Variants in PAK5 observed in about 807,000 individuals in gnomAD.
PAK5 encodes p21 (RAC1) activated kinase 5, also known as serine/threonine-protein kinase PAK 5.
Under a neutral mutation model 65.9 loss-of-function variants are expected in PAK5, and 16 were observed. The observed-to-expected ratio is 0.24, with a 90% CI of 0.16 to 0.37. The LOEUF is 0.37. Ranked by LOEUF, PAK5 falls within the 10% of genes least tolerant of loss-of-function variation. PAK5 has a pLI of 1.00. For missense variants in PAK5, 785 were observed against 903.9 expected, an observed-to-expected ratio of 0.87 and a Z score of 1.69; for synonymous variants, 371 against 354.9, an observed-to-expected ratio of 1.05 and a Z score of -0.51.
intron 2 of PAK5, among the ~76,000 whole-genome samples, chr20:9,653,404 T>C (rs1393060095): frequency 1.3e-5 from 2 of 152,250 alleles, no homozygotes; most frequent in Non-Finnish European, 2.9e-5. Flanking sequence ...TCTGTGTCTA[T>C]GCTTCCAAAG....
rs930729940 is a variant in PAK5, at chr20:9,537,855, G to C, written c.*1607C>G. 1 of 227,520 alleles carries C rather than the reference G, an allele frequency of 4.4e-6. No individual in the cohort carries two copies. The highest frequency in any genetic ancestry group is 8.7e-6 in the Non-Finnish European group (1 of 114,480). 14.1% of individuals were successfully genotyped at this position (227,520 alleles called of 1,614,324 possible). A position where few individuals can be genotyped will look rare whatever the true frequency, so the allele number is the denominator to read the frequency against. On this transcript the variant is annotated 3_prime_UTR_variant, in exon 10 of 10. Transcript: ENST00000353224. ...AAGAAAACTGAAAATCTAATCAGTA[G>C]AAGGTCATTTTATGCCTTTTTTCCT...
At position 9,580,249 on chromosome 20, in the gene PAK5, T is replaced by C. The variant is rs774498221; in HGVS notation, c.886A>G (p.Met296Val). The change falls in exon 4 of 10, where the codon ATG (methionine) becomes GTG (valine). Residue 296 changes from methionine (M) to valine (V), a missense_variant. By Grantham distance (21) the Met-to-Val change is conservative. Transcript: ENST00000353224. ...SRSGSGLQEPMMPFGASAFKT... is the reference protein window; with the variant it reads ...SRSGSGLQEPVMPFGASAFKT... The stretch of plus-strand genomic sequence containing the variant: ...AATGCACTTGCTCCAAATGGCATCA[T>C]CGGTTCCTGGAGTCCCGAGCCTGAC... 2.5e-6 allele frequency: 4 copies of C among 1,614,098 alleles called. No individual in the cohort carries two copies. Among genetic ancestry groups the C allele is most frequent in the Non-Finnish European group, 3.4e-6 (4 of 1,180,006 alleles).
At chr20:9,794,862 T>C (rs889576623) in intron 1 of PAK5, among the ~76,000 whole-genome samples, 1 of 152,080 alleles carries the variant, frequency 6.6e-6, no homozygotes, top group Admixed American at 6.6e-5. Flanking sequence ...ATATCTTCAG[T>C]ATATGAGATC....
At chr20:9,744,727 C>T (rs545295421) in intron 1 of PAK5, among the ~76,000 whole-genome samples, 1 of 152,306 alleles carries the variant, frequency 6.6e-6, no homozygotes, top group South Asian at 2.1e-4. Flanking sequence ...CAAGGTCATG[C>T]ATGCTGTGAC....
At chr20:9,575,095 G>A (rs2122986764) in intron 4 of PAK5, among the ~76,000 whole-genome samples, 1 of 152,314 alleles carries the variant, frequency 6.6e-6, no homozygotes, top group African/African-American at 2.4e-5. Flanking sequence ...TTTCCTTCCA[G>A]GGAAAGCAAA....
At chr20:9,571,287 C>T (rs1204001234) in intron 4 of PAK5, among the ~76,000 whole-genome samples, 2 of 152,162 alleles carry the variant, frequency 1.3e-5, no homozygotes. Context: ...GGATCTTAAC[C>T]CACATGCGGG....
At chr20:9,744,214 C>G (rs945820533) in intron 1 of PAK5, among the ~76,000 whole-genome samples, 3 of 152,186 alleles carry the variant, frequency 2.0e-5, no homozygotes, top group African/African-American at 7.2e-5. Flanking sequence ...TAGATGTCAA[C>G]TGTTTTAAGC....
intron 1 of PAK5, among the ~76,000 whole-genome samples, chr20:9,737,939 G>A (rs543956716): frequency 7.2e-5 from 11 of 152,156 alleles, no homozygotes; most frequent in Admixed American, 3.3e-4. Context: ...TCAAGAGATC[G>A]AGACCACCCT....
chr20:9,610,918 G>C (rs1047540115), intron 3 of PAK5, among the ~76,000 whole-genome samples: 2 of 152,200 alleles, frequency 1.3e-5, no homozygotes, highest in Admixed American at 1.3e-4. Context: ...TCTGCCACGA[G>C]AGGACATGGC....
At chr20:9,703,022 A>C (rs912395881) in intron 2 of PAK5, among the ~76,000 whole-genome samples, 19 of 152,140 alleles carry the variant, frequency 1.2e-4, no homozygotes, top group Admixed American at 1.2e-3. Context: ...GGGCCTTCTT[A>C]GTTAGAAATA....
chr20:9,684,827 T>C (rs532165435), intron 2 of PAK5, among the ~76,000 whole-genome samples: 1 of 152,358 alleles, frequency 6.6e-6, no homozygotes, highest in South Asian at 2.1e-4. Context: ...AAAAGCTGGC[T>C]GGAAGGCAGA....
intron 2 of PAK5, among the ~76,000 whole-genome samples, chr20:9,684,075 A>T (rs1245373356): frequency 6.6e-6 from 1 of 152,222 alleles, no homozygotes; most frequent in Admixed American, 6.5e-5. Context: ...AACCAGTCCC[A>T]TTGGACTATG....
At chr20:9,715,282 G>A (rs922534910) in intron 1 of PAK5, among the ~76,000 whole-genome samples, 25 of 152,196 alleles carry the variant, frequency 1.6e-4, no homozygotes, top group Admixed American at 5.2e-4. Flanking sequence ...GCAGCCAACA[G>A]ACACATGAAA....
chr20:9,712,739 C>T (rs2048093100), intron 1 of PAK5, among the ~76,000 whole-genome samples: 1 of 152,026 alleles, frequency 6.6e-6, no homozygotes, highest in African/African-American at 2.4e-5. Context: ...ACTAATTTTG[C>T]CAAAGGCTCC....
chr20:9,575,539 A>C (rs2045871499), intron 4 of PAK5: 1 of 152,236 alleles, frequency 6.6e-6, no homozygotes, highest in South Asian at 2.1e-4. Context: ...AAATAAATGC[A>C]TATGAGCACC....
intron 1 of PAK5, among the ~76,000 whole-genome samples, chr20:9,721,238 T>C (rs1370767233): frequency 2.0e-5 from 3 of 152,134 alleles, no homozygotes; most frequent in Admixed American, 2.0e-4. Context: ...CCCACCATTA[T>C]ATGGGCTCCT....
At chr20:9,797,424 T>C (rs6039587) in intron 1 of PAK5, among the ~76,000 whole-genome samples, 14,733 of 148,720 alleles carry the variant, frequency 0.099, 1,365 homozygotes, top group African/African-American at 0.24. Context: ...CATGTCCTCA[T>C]TCATAGGCGG....
chr20:9,713,110 A>G (rs1468155444), intron 1 of PAK5, among the ~76,000 whole-genome samples: 1 of 152,120 alleles, frequency 6.6e-6, no homozygotes, highest in African/African-American at 2.4e-5. Context: ...ATATTTGCAA[A>G]CCATCCATCT....
intron 2 of PAK5, among the ~76,000 whole-genome samples, chr20:9,666,403 T>A (rs1246462099): frequency 5.7e-5 from 7 of 122,288 alleles, no homozygotes; most frequent in Non-Finnish European, 6.8e-5. Context: ...AAAAAAAAAC[T>A]TCAACAAAAG....
Sources: allele counts gnomAD v4.1 joint callset (sites outside exome capture counted in the v4.1 genomes callset), GRCh38; gene constraint gnomAD v4.1.1; transcripts MANE v1.5; gene names NCBI Gene and HGNC (gene_info 2026-07-23, HGNC 2026-07-21).